Variants in LMBRD1 observed in about 807,000 individuals in gnomAD.
LMBRD1 encodes the protein lysosomal cobalamin transport escort protein LMBD1.
LMBRD1 carries 64 observed loss-of-function variants against 74.8 expected under a neutral mutation model. That is an observed-to-expected ratio of 0.86 (90% confidence interval 0.70 to 1.05). The LOEUF is 1.05. Among genes scored for constraint, LMBRD1 ranks in the 50% least tolerant of loss-of-function variants. The pLI, the probability that LMBRD1 is intolerant of heterozygous loss-of-function variation, is 0.00. For synonymous variants in LMBRD1, 204 were observed against 216.3 expected (o/e 0.94, Z 0.50); for missense variants, 652 against 645.9 (o/e 1.01, Z -0.10).
rs145200678 is a variant in LMBRD1 at position 69,774,136 on chromosome 6, G to A, written c.307+6358C>T. Reference sequence around the variant, plus strand: ...TGGAAAGTAATGGAATCATGGGGACGGGTATTTCCCATGCTGTTCTCATGA... The same window carrying A: ...TGGAAAGTAATGGAATCATGGGGACAGGTATTTCCCATGCTGTTCTCATGA... On this transcript the variant is annotated intron_variant, in intron 3 of 15. Coordinates refer to ENST00000649934, the MANE Select transcript of LMBRD1 (RefSeq NM_018368.4). Among the ~76,000 whole-genome samples, 313 of 152,236 alleles carry A rather than the reference G, an allele frequency of 2.1e-3. 1 individual carries two copies. Among genetic ancestry groups the A allele is most frequent in the African/African-American group, 7.1e-3 (294 of 41,540 alleles).
rs1402538766 is a variant in LMBRD1, at chr6:69,790,382, G to C, written c.160C>G (p.Leu54Val). The C allele has an allele frequency of 6.2e-7, 1 of 1,613,610 alleles. No individual in the cohort carries two copies. Among genetic ancestry groups the C allele is most frequent in the Non-Finnish European group, 8.5e-7 (1 of 1,179,588 alleles). Residue 54 changes from leucine (L) to valine (V), a missense_variant, in exon 2 of 16, where the codon CTA becomes GTA. Leu to Val is a conservative substitution (Grantham distance 32). Coordinates refer to ENST00000649934, the MANE Select transcript of LMBRD1 (RefSeq NM_018368.4). Reference sequence around the variant, plus strand: ...GCTGATGTGATAAGTGCAATTGCTAGAGAAAAAATTGCTGTTATGGTGGAG... The same window carrying C: ...GCTGATGTGATAAGTGCAATTGCTACAGAAAAAATTGCTGTTATGGTGGAG... ...VVSTITAIFSLAIALITSALL... is the reference protein window; with the variant it reads ...VVSTITAIFSVAIALITSALL...
chr6:69,752,291 C>A lies in LMBRD1; in HGVS notation c.373G>T (p.Glu125Ter), dbSNP rs1765174711. 6.2e-7 allele frequency: 1 copy of A among 1,610,470 alleles called. No individual in the cohort carries two copies. ...WIPFVYFYYE[E>*]KDDDDTSKCT... ...TTACTAGTATCATCATCATCCTTTTCTTCATAATAGAAGTAGACAAAAGGG... is the reference window on the plus strand; with the variant it reads ...TTACTAGTATCATCATCATCCTTTTATTCATAATAGAAGTAGACAAAAGGG... The change falls in exon 4 of 16, where the codon GAA (glutamate) becomes TAA (stop). Residue 125 changes from glutamate to a stop codon, truncating the protein, a stop_gained. Transcript: ENST00000649934. LOFTEE classifies it high-confidence loss of function.
intron 7 of LMBRD1, among the ~76,000 whole-genome samples, chr6:69,727,876 A>G (rs1766769733): frequency 6.6e-6 from 1 of 152,132 alleles, no homozygotes; most frequent in Admixed American, 6.5e-5. Context: ...TTATTCTAGT[A>G]CTTCCATATT....
chr6:69,773,979 A>G (rs1156257814), intron 3 of LMBRD1, among the ~76,000 whole-genome samples: 2 of 152,234 alleles, frequency 1.3e-5, no homozygotes, highest in Admixed American at 6.5e-5. Context: ...TTACATCTAC[A>G]CACAAGATGA....
chr6:69,785,788 C>G (rs565696701), intron 2 of LMBRD1, among the ~76,000 whole-genome samples: 1 of 152,184 alleles, frequency 6.6e-6, no homozygotes, highest in Non-Finnish European at 1.5e-5. Context: ...AAGTCATGAA[C>G]AGTCTGGCTC....
At chr6:69,691,873 CTCAAAAAAAAAAAAAAA>C (rs1398927124) in intron 14 of LMBRD1, among the ~76,000 whole-genome samples, 60 of 90,774 alleles carry the variant, frequency 6.6e-4, no homozygotes, top group African/African-American at 2.1e-3. Flanking sequence ...GAGACTCCGT[CTCAAAAAAAAAAAAAAA>C]AAAAAAGAAA....
chr6:69,718,549 C>T (rs1766543341), intron 8 of LMBRD1, among the ~76,000 whole-genome samples: 3 of 152,114 alleles, frequency 2.0e-5, no homozygotes, highest in Admixed American at 1.3e-4. Context: ...CTCACAGTTC[C>T]GCAGGGCTGC....
intron 3 of LMBRD1, among the ~76,000 whole-genome samples, chr6:69,756,766 A>C (rs2149880271): frequency 6.6e-6 from 1 of 152,358 alleles, no homozygotes. Flanking sequence ...TTTGATTACC[A>C]AAACTACAGA....
At chr6:69,721,868 C>T (rs1296758465) in intron 7 of LMBRD1, among the ~76,000 whole-genome samples, 1 of 152,280 alleles carries the variant, frequency 6.6e-6, no homozygotes, top group Non-Finnish European at 1.5e-5. Context: ...CAGCATTCAC[C>T]ACAAGCTGTC....
chr6:69,758,282 ATAAT>A (rs750450656), intron 3 of LMBRD1, among the ~76,000 whole-genome samples: 2 of 152,220 alleles, frequency 1.3e-5, no homozygotes, highest in Admixed American at 6.5e-5. Flanking sequence ...TTGTGACAGA[ATAAT>A]TAGTCATTAC....
At chr6:69,776,777 T>C (rs116039716) in intron 3 of LMBRD1, among the ~76,000 whole-genome samples, 82 of 152,270 alleles carry the variant, frequency 5.4e-4, no homozygotes, top group African/African-American at 1.9e-3. Flanking sequence ...CATTAGCTTT[T>C]TAGTAATAGA....
At chr6:69,753,015 C>G (rs992996376) in intron 3 of LMBRD1, among the ~76,000 whole-genome samples, 1 of 152,140 alleles carries the variant, frequency 6.6e-6, no homozygotes, top group Non-Finnish European at 1.5e-5. Context: ...GGACAAATAG[C>G]TCTTCATGAC....
At chr6:69,693,329 TA>T (rs1255119589) in intron 14 of LMBRD1, among the ~76,000 whole-genome samples, 1 of 152,060 alleles carries the variant, frequency 6.6e-6, no homozygotes, top group Non-Finnish European at 1.5e-5. Context: ...ATTTGAAACC[TA>T]ATCATTTTAA....
At chr6:69,740,951 G>C (rs1189222906) in intron 6 of LMBRD1, among the ~76,000 whole-genome samples, 4 of 151,934 alleles carry the variant, frequency 2.6e-5, no homozygotes, top group Non-Finnish European at 4.4e-5. Context: ...AGGTCACACA[G>C]AGTAAGTTAA....
At chr6:69,706,127 G>A (rs1003017641) in intron 9 of LMBRD1, 10 of 572,796 alleles carry the variant, frequency 1.7e-5, no homozygotes, top group African/African-American at 5.6e-5. Flanking sequence ...CAGGGCCTCC[G>A]GGGGTTTATG....
intron 3 of LMBRD1, among the ~76,000 whole-genome samples, chr6:69,774,980 A>T (rs1765661749): frequency 2.3e-5 from 1 of 43,580 alleles, no homozygotes; most frequent in Admixed American, 2.2e-4. Context: ...GAAGGAAGGA[A>T]GGAAGGAAGG....
intron 14 of LMBRD1, among the ~76,000 whole-genome samples, chr6:69,686,916 G>A (rs964140843): frequency 6.6e-6 from 1 of 152,156 alleles, no homozygotes; most frequent in African/African-American, 2.4e-5. Context: ...TGGAAGAGCT[G>A]AGTGGTTATC....
chr6:69,716,415 TC>T (rs1340812361), intron 8 of LMBRD1, among the ~76,000 whole-genome samples: 1 of 152,202 alleles, frequency 6.6e-6, no homozygotes, highest in Admixed American at 6.5e-5. Context: ...CATGTATGTC[TC>T]CTTTTGAGAA....
At chr6:69,693,318 C>G (rs888175663) in intron 14 of LMBRD1, among the ~76,000 whole-genome samples, 6 of 151,988 alleles carry the variant, frequency 3.9e-5, no homozygotes, top group Admixed American at 2.0e-4. Context: ...ACAAATGACT[C>G]ATTTGAAACC....
Sources: allele counts gnomAD v4.1 joint callset (sites outside exome capture counted in the v4.1 genomes callset), GRCh38; gene constraint gnomAD v4.1.1; transcripts MANE v1.5; gene names NCBI Gene and HGNC (gene_info 2026-07-23, HGNC 2026-07-21).